Variants in CTNNA3 observed in about 807,000 individuals in gnomAD.
The protein encoded by CTNNA3 is catenin alpha 3, also known as catenin alpha-3.
CTNNA3 carries 76 observed loss-of-function variants against 95.7 expected under a neutral mutation model. That is an observed-to-expected ratio of 0.79 (90% CI 0.66 to 0.96). The LOEUF (loss-of-function observed/expected upper bound fraction) is 0.96. Among genes scored for constraint, CTNNA3 ranks in the 40% least tolerant of loss-of-function variants. CTNNA3 has a pLI of 0.00. For missense variants in CTNNA3, 1,191 were observed against 1,089.8 expected (o/e 1.09, Z -1.31); for synonymous variants, 431 against 374.4 (o/e 1.15, Z -1.74).
At chr10:66,868,258 C>T (rs576496138) in intron 7 of CTNNA3, among the ~76,000 whole-genome samples, 3 of 150,356 alleles carry the variant, frequency 2.0e-5, no homozygotes, top group African/African-American at 7.4e-5. Flanking sequence ...CCAGTTACTC[C>T]GGAGGCTGAG....
At chr10:66,155,700 T>A (rs1314882691) in intron 13 of CTNNA3, among the ~76,000 whole-genome samples, 1 of 151,820 alleles carries the variant, frequency 6.6e-6, no homozygotes, top group East Asian at 1.9e-4. Flanking sequence ...CAAAAGTTAA[T>A]GTCATAAAAA....
At position 66,654,352 on chromosome 10, in the gene CTNNA3, CTG is replaced by C. The variant is rs1846005055; in HGVS notation, c.1282-32570_1282-32569del. On this transcript the variant is annotated intron_variant, in intron 9 of 17. Coordinates refer to ENST00000433211, the MANE Select transcript of CTNNA3 (RefSeq NM_013266.4). The stretch of plus-strand genomic sequence containing the variant: ...CACTGGCCAACATGTATATGAAAAA[CTG>C]TTCAACTTCACTAACCATTAAGGAA... Among the ~76,000 whole-genome samples the C allele has an allele frequency of 2.0e-5, 3 of 152,026 alleles. No homozygotes were observed. In the South Asian group the frequency reaches 6.2e-4, roughly 32 times the overall value.
chr10:67,119,584 C>CACTTATCAGAGGTGTGACAATTCTGTT (rs1205243616), intron 7 of CTNNA3, among the ~76,000 whole-genome samples: 7 of 151,884 alleles, frequency 4.6e-5, no homozygotes, highest in Non-Finnish European at 7.4e-5. Flanking sequence ...GAGAACAATT[C>CACTTATCAGAGGTGTGACAATTCTGTT]ACTTATCAGA....
chr10:66,312,781 G>A (rs1379322358), intron 12 of CTNNA3, among the ~76,000 whole-genome samples: 1 of 152,064 alleles, frequency 6.6e-6, no homozygotes, highest in Non-Finnish European at 1.5e-5. Flanking sequence ...TCCTGACCTC[G>A]TGATACACCC....
At chr10:67,614,383 T>G (rs192986111) in intron 2 of CTNNA3, among the ~76,000 whole-genome samples, 56 of 152,350 alleles carry the variant, frequency 3.7e-4, no homozygotes, top group African/African-American at 1.3e-3. Flanking sequence ...ATATATGAAA[T>G]AACTATACAA....
intron 5 of CTNNA3, among the ~76,000 whole-genome samples, chr10:67,429,119 T>C (rs1436079156): frequency 6.6e-6 from 1 of 151,974 alleles, no homozygotes; most frequent in Non-Finnish European, 1.5e-5. Context: ...AATCACACAT[T>C]AACTCTACGA....
At chr10:66,258,088 G>A (rs188319846) in intron 13 of CTNNA3, among the ~76,000 whole-genome samples, 11 of 152,158 alleles carry the variant, frequency 7.2e-5, no homozygotes, top group Admixed American at 1.3e-4. Flanking sequence ...CCACCTTTTC[G>A]GACAGGCCCT....
Position 67,740,752 on chromosome 10 carries a change from A to G in CTNNA3, c.-2+22682T>C, listed in dbSNP as rs1015295061. Among the ~76,000 whole-genome samples the G allele has an allele frequency of 4.9e-4, 74 of 151,456 alleles. 2 individuals carry two copies. Among genetic ancestry groups the G allele is most frequent in the East Asian group, 9.7e-4 (5 of 5,178 alleles). On this transcript the variant is annotated intron_variant, in intron 1 of 17. Transcript: ENST00000684154. The stretch of plus-strand genomic sequence containing the variant: ...CAACCATTGTGGAAGACAGTGTGGC[A>G]ATTCCTCAGGGATCTAGAACTACAA...
intron 12 of CTNNA3, among the ~76,000 whole-genome samples, chr10:66,311,948 T>TC (rs2092027186): frequency 6.6e-6 from 1 of 152,162 alleles, no homozygotes; most frequent in African/African-American, 2.4e-5. Flanking sequence ...GCTACTTGAA[T>TC]AATAGAAGGT....
At chr10:67,420,449 G>C (rs987608013) in intron 5 of CTNNA3, among the ~76,000 whole-genome samples, 5 of 152,130 alleles carry the variant, frequency 3.3e-5, no homozygotes, top group African/African-American at 1.2e-4. Flanking sequence ...TCAAATCCCA[G>C]CTCTGCCTTT....
chr10:66,628,536 G>T (rs928839868), intron 9 of CTNNA3, among the ~76,000 whole-genome samples: 1 of 152,108 alleles, frequency 6.6e-6, no homozygotes, highest in Non-Finnish European at 1.5e-5. Flanking sequence ...AATAAACAGA[G>T]AAAAACTTTG....
At chr10:66,467,310 G>A (rs1362036167) in intron 11 of CTNNA3, among the ~76,000 whole-genome samples, 1 of 152,062 alleles carries the variant, frequency 6.6e-6, no homozygotes, top group African/African-American at 2.4e-5. Context: ...GAATTAATGA[G>A]TGAATTCATG....
chr10:66,604,334 G>A (rs1289700105), intron 10 of CTNNA3, among the ~76,000 whole-genome samples: 4 of 152,012 alleles, frequency 2.6e-5, no homozygotes, highest in African/African-American at 7.2e-5. Flanking sequence ...ATGCACATTC[G>A]CCAGCAGGGG....
rs192810896 is a variant in CTNNA3 at position 67,575,040 on chromosome 10, T to C, written c.292+31817A>G. 3.4e-3 allele frequency among the ~76,000 whole-genome samples: 521 copies of C among 152,322 alleles called. 5 individuals are homozygous for C. The highest frequency in any genetic ancestry group is 0.012 in the African/African-American group (486 of 41,570). On this transcript the variant is annotated intron_variant, in intron 3 of 17. Coordinates refer to ENST00000433211, the MANE Select transcript of CTNNA3 (RefSeq NM_013266.4). ...AGGGTGATGTAGGATACTGAAATCA[T>C]ATCTTCTTCTCCAAGGACCCAATGT...
chr10:66,351,458 A>T (rs1367759651), intron 12 of CTNNA3, among the ~76,000 whole-genome samples: 1 of 152,094 alleles, frequency 6.6e-6, no homozygotes. Context: ...GATATTAAAA[A>T]AAATGTGAGT....
At chr10:67,017,176 G>T (rs1028587881) in intron 7 of CTNNA3, among the ~76,000 whole-genome samples, 1 of 152,122 alleles carries the variant, frequency 6.6e-6, no homozygotes, top group Non-Finnish European at 1.5e-5. Flanking sequence ...TTAATATTTT[G>T]TGATTTCCAA....
intron 15 of CTNNA3, among the ~76,000 whole-genome samples, chr10:66,015,567 G>T (rs2079078996): frequency 6.6e-6 from 1 of 152,036 alleles, no homozygotes. Context: ...ATTATATACT[G>T]GTCTTTCCAT....
intron 11 of CTNNA3, among the ~76,000 whole-genome samples, chr10:66,449,893 CA>C (rs745384905): frequency 2.6e-5 from 4 of 152,186 alleles, no homozygotes; most frequent in Non-Finnish European, 4.4e-5. Context: ...ATTCTAACTT[CA>C]AAATGGGTTT....
intron 13 of CTNNA3, among the ~76,000 whole-genome samples, chr10:66,174,418 T>C (rs2085599281): frequency 6.6e-6 from 1 of 152,122 alleles, no homozygotes; most frequent in Non-Finnish European, 1.5e-5. Flanking sequence ...ATGATTATTA[T>C]CAAGATTTAA....
Sources: gnomAD v4.1 joint callset for allele counts (sites outside exome capture counted in the v4.1 genomes callset) on GRCh38, gnomAD v4.1.1 for gene constraint, MANE v1.5 for transcripts, NCBI Gene and HGNC (gene_info 2026-07-23, HGNC 2026-07-21) for gene names.